Variants in UIMC1 observed in about 807,000 individuals in gnomAD.
UIMC1 encodes ubiquitin interaction motif containing 1.
Under a neutral mutation model 84.9 loss-of-function variants are expected in UIMC1, and 42 were observed. The observed-to-expected ratio is 0.49, with a 90% confidence interval of 0.39 to 0.64. The LOEUF is 0.64. Ranked by LOEUF, UIMC1 falls within the 30% of genes least tolerant of loss-of-function variation. The probability of loss-of-function intolerance (pLI) is 0.00; values close to 1 mark genes in which losing one functional copy is unlikely to be tolerated. For missense variants in UIMC1, 825 were observed against 847.6 expected (o/e 0.97, Z 0.33); for synonymous variants, 281 against 293.0 (o/e 0.96, Z 0.42).
In UIMC1 at chr5:176,982,359, G is replaced by A. The variant is rs1771184735; in HGVS notation, c.147+110C>T. Reference sequence around the variant, plus strand: ...AACAAAGCTGAGTAAAAATTTCATGGTTTTGGTGAGCTGGCATTAAGGTGA... The same window carrying A: ...AACAAAGCTGAGTAAAAATTTCATGATTTTGGTGAGCTGGCATTAAGGTGA... On this transcript the variant is annotated intron_variant, in intron 2 of 14. Transcript: ENST00000511320. 1.2e-5 allele frequency: 15 copies of A among 1,288,390 alleles called. No homozygotes were observed. The South Asian group carries it at 2.0e-4, about 17-fold the overall frequency. 79.8% of individuals were successfully genotyped at this position (1,288,390 alleles called of 1,614,324 possible).
intron 2 of UIMC1, among the ~76,000 whole-genome samples, chr5:176,977,223 C>T (rs75474158): frequency 0.015 from 1,047 of 71,516 alleles, 6 homozygotes; most frequent in South Asian, 0.039. Flanking sequence ...GATTCTGTCT[C>T]AAAAAAAAAA....
chr5:176,998,357 G>A (rs888186458), intron 1 of UIMC1, among the ~76,000 whole-genome samples: 2 of 150,166 alleles, frequency 1.3e-5, no homozygotes, highest in African/African-American at 4.9e-5. Flanking sequence ...TCAGGTACTC[G>A]AGTGGCTCAG....
At chr5:176,976,283 C>A (rs1309893678) in intron 2 of UIMC1, among the ~76,000 whole-genome samples, 1 of 151,966 alleles carries the variant, frequency 6.6e-6, no homozygotes, top group Non-Finnish European at 1.5e-5. Flanking sequence ...CCACGATATT[C>A]CAGCCTGGGA....
At chr5:176,957,003 A>G (rs1009522581) in intron 7 of UIMC1, among the ~76,000 whole-genome samples, 2 of 152,176 alleles carry the variant, frequency 1.3e-5, no homozygotes, top group African/African-American at 4.8e-5. Context: ...GGGCTAATCA[A>G]TTTGAAGTCA....
intron 7 of UIMC1, among the ~76,000 whole-genome samples, chr5:176,956,358 G>A (rs543227132): frequency 6.6e-6 from 1 of 152,268 alleles, no homozygotes; most frequent in East Asian, 1.9e-4. Context: ...CCAATATAAG[G>A]ATGTCAAAGG....
At chr5:176,943,297 A>C in intron 10 of UIMC1, 38 bp downstream of exon 10, 1 of 1,601,008 alleles carries the variant, frequency 6.2e-7, no homozygotes, top group African/African-American at 1.3e-5. Flanking sequence ...ACCACCACAC[A>C]AAAAAGTAAG....
chr5:176,965,328 CAGG>C (rs991549618), intron 6 of UIMC1, among the ~76,000 whole-genome samples: 1 of 151,266 alleles, frequency 6.6e-6, no homozygotes, highest in Non-Finnish European at 1.5e-5. Context: ...GAGGCTGAGG[CAGG>C]AGAATGCGTG....
At chr5:176,963,431 G>GA (rs1370138261) in intron 6 of UIMC1, among the ~76,000 whole-genome samples, 1 of 151,380 alleles carries the variant, frequency 6.6e-6, no homozygotes, top group Non-Finnish European at 1.5e-5. Context: ...TGAAGCAGGA[G>GA]AATCACTTGA....
chr5:176,927,206 G>GAAAAAA (rs1220549611), intron 10 of UIMC1, among the ~76,000 whole-genome samples: 2 of 44,628 alleles, frequency 4.5e-5, no homozygotes, highest in Admixed American at 2.0e-4. Flanking sequence ...CTTTAAAAAA[G>GAAAAAA]AAAAAAAAAA....
At chr5:176,932,454 C>T (rs1407471936) in intron 10 of UIMC1, among the ~76,000 whole-genome samples, 1 of 151,950 alleles carries the variant, frequency 6.6e-6, no homozygotes, top group Admixed American at 6.6e-5. Flanking sequence ...TGTTAGATGA[C>T]GTTTATGATG....
chr5:176,913,502 T>TCAA (rs1760532502), intron 10 of UIMC1, among the ~76,000 whole-genome samples: 1 of 152,188 alleles, frequency 6.6e-6, no homozygotes, highest in African/African-American at 2.4e-5. Flanking sequence ...AATCCAATAT[T>TCAA]CAACAAACAA....
intron 8 of UIMC1, 128 bp from the exon 9 acceptor site, chr5:176,951,705 A>C: frequency 1.7e-6 from 1 of 598,314 alleles, no homozygotes; most frequent in Non-Finnish European, 2.8e-6. Context: ...ATATTAATAG[A>C]TCTAGTTTGT....
upstream of UIMC1, among the ~76,000 whole-genome samples, chr5:177,009,716 A>G (rs983659419): frequency 6.6e-6 from 1 of 152,162 alleles, no homozygotes; most frequent in African/African-American, 2.4e-5. The surrounding 1 kb of genome is among the most constrained non-coding windows in gnomAD (Gnocchi z 4.3). Context: ...AGCCTGGGCA[A>G]CACAGTGAGA....
Position 176,969,080 on chromosome 5 carries a change from A to G in UIMC1, c.675T>C (p.Ala225=). Residue 225 remains alanine, a synonymous_variant, in exon 6 of 15, where the codon GCT becomes GCC. Transcript: ENST00000511320. ...GTGGCTTCCCACACTGTGTGTGCTC[A>G]GCCGAGTGGCCAGTACATCTGTCAA... ...KSFDRCTGHS[A]EHTQCGKPQE... The G allele has an allele frequency of 6.2e-7, 1 of 1,614,200 alleles. No individual in the cohort carries two copies. Among genetic ancestry groups the G allele is most frequent in the Non-Finnish European group, 8.5e-7 (1 of 1,180,032 alleles).
chr5:176,946,974 A>G (rs1393785069), intron 9 of UIMC1, among the ~76,000 whole-genome samples: 2 of 152,210 alleles, frequency 1.3e-5, no homozygotes, highest in Non-Finnish European at 2.9e-5. Context: ...TGGCCTTCTA[A>G]AGTTCACTAA....
chr5:176,944,028 T>C (rs1439323665), intron 9 of UIMC1, among the ~76,000 whole-genome samples: 1 of 152,206 alleles, frequency 6.6e-6, no homozygotes, highest in Admixed American at 6.5e-5. Context: ...ACATTTTGCA[T>C]ATCAACAGCA....
At chr5:176,924,891 T>G (rs1323753875) in intron 10 of UIMC1, among the ~76,000 whole-genome samples, 1 of 151,536 alleles carries the variant, frequency 6.6e-6, no homozygotes, top group Admixed American at 6.6e-5. Flanking sequence ...ATACGAAAAT[T>G]AGCCGGGCAC....
Position 176,923,872 on chromosome 5 carries a change from A to AT in UIMC1, c.1598-12484_1598-12483insA, listed in dbSNP as rs1188314473. Among the ~76,000 whole-genome samples, 617 of 118,004 alleles carry AT rather than the reference A, an allele frequency of 5.2e-3. 4 individuals carry two copies. Among genetic ancestry groups the AT allele is most frequent in the East Asian group, 0.012 (45 of 3,738 alleles). 77.4% of individuals were successfully genotyped at this position (118,004 alleles called of 152,430 possible). ...GAGCAAGACTCTGTCTCAAAAAAAA[A>AT]AAATATATATATATATACACACACA... On this transcript the variant is annotated intron_variant, in intron 10 of 14. Transcript: ENST00000511320.
At position 176,968,779 on chromosome 5, in the gene UIMC1, G is replaced by C. The variant is rs1581579214; in HGVS notation, c.976C>G (p.Pro326Ala). The C allele has an allele frequency of 6.2e-7, 1 of 1,614,132 alleles. No individual in the cohort carries two copies. Among genetic ancestry groups the C allele is most frequent in the Non-Finnish European group, 8.5e-7 (1 of 1,180,032 alleles). The change falls in exon 6 of 15, where the codon CCT becomes GCT. Residue 326 changes from proline to alanine, a missense_variant. Transcript: ENST00000511320. The stretch of plus-strand genomic sequence containing the variant: ...TTCTGGATCAGAGAAGGAGGTCTAG[G>C]TAACACTGGTTCCCCAAAACCTTTT... Reference protein sequence around the residue: ...NKKGFGEPVLPRPPSLIQNEC... With the variant: ...NKKGFGEPVLARPPSLIQNEC...
Sources: allele counts gnomAD v4.1 joint callset (sites outside exome capture counted in the v4.1 genomes callset), GRCh38; gene constraint gnomAD v4.1.1; non-coding constraint Gnocchi (gnomAD v3.1); transcripts MANE v1.5; gene names NCBI Gene and HGNC (gene_info 2026-07-23, HGNC 2026-07-21).